Variants in GRIA4 observed in about 807,000 individuals in gnomAD.
The protein encoded by GRIA4 is glutamate ionotropic receptor AMPA type subunit 4, also known as glutamate receptor 4.
A neutral mutation model predicts 104.0 loss-of-function variants in GRIA4; 34 were observed. The observed-to-expected ratio is 0.33, with a 90% CI of 0.25 to 0.44. The LOEUF is 0.44. GRIA4 is among the 20% of genes least tolerant of loss of function. The pLI, the probability that GRIA4 is intolerant of heterozygous loss-of-function variation, is 1.00. For synonymous variants in GRIA4, 386 were observed against 381.9 expected, an observed-to-expected ratio of 1.01 and a Z score of -0.13; for missense variants, 750 against 1,096.5, an observed-to-expected ratio of 0.68 and a Z score of 4.46.
intron 14 of GRIA4, among the ~76,000 whole-genome samples, chr11:105,946,513 G>A (rs1032375092): frequency 6.6e-6 from 1 of 152,120 alleles, no homozygotes; most frequent in Non-Finnish European, 1.5e-5. Context: ...TCGAGCCTGG[G>A]AGGTAGACGT....
chr11:105,926,944 G>A lies in GRIA4; in HGVS notation c.2046+5G>A, dbSNP rs1414913386. 1 of 1,586,592 alleles carries A rather than the reference G, an allele frequency of 6.3e-7. No homozygotes were observed. Among genetic ancestry groups the A allele is most frequent in the Non-Finnish European group, 8.6e-7 (1 of 1,156,334 alleles). On this transcript the variant is annotated splice_donor_5th_base_variant and intron_variant, in intron 13 of 16. Transcript: ENST00000282499. ...TCAACAAAAGAATTCTTCAGAGTAA[G>A]TTAAGGGAAAAACTAAAAATGAAAT...
chr11:105,692,098 G>A (rs1953108183), intron 3 of GRIA4, among the ~76,000 whole-genome samples: 1 of 151,984 alleles, frequency 6.6e-6, no homozygotes, highest in African/African-American at 2.4e-5. Context: ...CAGAATTTAG[G>A]AGATATAAAA....
At chr11:105,861,024 G>A (rs977041812) in intron 4 of GRIA4, among the ~76,000 whole-genome samples, 1 of 151,038 alleles carries the variant, frequency 6.6e-6, no homozygotes, top group Non-Finnish European at 1.5e-5. Flanking sequence ...TTGGCCTGAA[G>A]ATATATTGCA....
chr11:105,659,276 A>C (rs1951936745), intron 3 of GRIA4, among the ~76,000 whole-genome samples: 1 of 151,738 alleles, frequency 6.6e-6, no homozygotes, highest in Non-Finnish European at 1.5e-5. Flanking sequence ...ACTTATGAAG[A>C]CTCTCTTACA....
chr11:105,862,034 A>G lies in GRIA4; in HGVS notation c.498A>G (p.Ile166Met), dbSNP rs759709079. 20 of 1,607,360 alleles carry G rather than the reference A, an allele frequency of 1.2e-5. No homozygotes were observed. The highest frequency in any genetic ancestry group is 1.6e-5 in the Non-Finnish European group (19 of 1,175,138). Residue 166 changes from isoleucine to methionine, a missense_variant, in exon 5 of 17, where the codon ATA (isoleucine) becomes ATG (methionine). By Grantham distance (10) the Ile-to-Met change is conservative (BLOSUM62 1). Around this residue, in one of 3 missense-constraint regions of GRIA4, gnomAD observed 410 missense variants for 502.7 expected, o/e 0.82. Transcript: ENST00000282499. ...FLYDTDRGYSILQAIMEKAGQ... is the reference protein window; with the variant it reads ...FLYDTDRGYSMLQAIMEKAGQ... The stretch of plus-strand genomic sequence containing the variant: ...TTTTTTCCCCAATAGGATACTCGAT[A>G]CTCCAAGCTATTATGGAAAAAGCAG...
At chr11:105,738,146 G>A (rs944542873) in intron 3 of GRIA4, among the ~76,000 whole-genome samples, 1 of 152,070 alleles carries the variant, frequency 6.6e-6, no homozygotes, top group South Asian at 2.1e-4. Context: ...CATTGAATGA[G>A]TGGAAGCGAA....
chr11:105,823,933 A>T (rs1282636075), intron 4 of GRIA4, among the ~76,000 whole-genome samples: 1 of 152,070 alleles, frequency 6.6e-6, no homozygotes, highest in East Asian at 1.9e-4. Context: ...AATTTGACTG[A>T]TGTCCTTATA....
At chr11:105,724,396 C>T (rs10895866) in intron 3 of GRIA4, among the ~76,000 whole-genome samples, 8 of 59,684 alleles carry the variant, frequency 1.3e-4, no homozygotes, top group African/African-American at 5.0e-4. Flanking sequence ...CACACACACA[C>T]ATATATATAT....
At chr11:105,690,946 T>C (rs577912913) in intron 3 of GRIA4, among the ~76,000 whole-genome samples, 1 of 152,320 alleles carries the variant, frequency 6.6e-6, no homozygotes, top group Admixed American at 6.5e-5. Context: ...ATGTGTCTTT[T>C]AAACTCAGTT....
chr11:105,658,474 C>T (rs922479388), intron 3 of GRIA4, among the ~76,000 whole-genome samples: 1 of 149,828 alleles, frequency 6.7e-6, no homozygotes, highest in Admixed American at 6.7e-5. Flanking sequence ...TATAGGAAAA[C>T]TAAAGAAAAA....
At chr11:105,809,942 C>G (rs1049933471) in intron 4 of GRIA4, among the ~76,000 whole-genome samples, 8 of 152,090 alleles carry the variant, frequency 5.3e-5, no homozygotes, top group African/African-American at 1.9e-4. Flanking sequence ...ATTCTTTTCA[C>G]TACCTCCACA....
chr11:105,883,273 T>G (rs1946130288), intron 5 of GRIA4, among the ~76,000 whole-genome samples: 1 of 136,842 alleles, frequency 7.3e-6, no homozygotes, highest in Admixed American at 7.5e-5. Context: ...AGTTGCACCG[T>G]TTCTTTTTTT....
intron 4 of GRIA4, among the ~76,000 whole-genome samples, chr11:105,813,663 T>C (rs1943263011): frequency 6.6e-6 from 1 of 152,098 alleles, no homozygotes; most frequent in South Asian, 2.1e-4. Context: ...TATGCAACAT[T>C]TGGACAATTT....
rs1166302122 is a variant in GRIA4 at position 105,925,298 on chromosome 11, C to A, written c.1847+529C>A. 2.6e-5 allele frequency among the ~76,000 whole-genome samples: 4 copies of A among 152,064 alleles called. No individual in the cohort carries two copies. In the East Asian group the frequency reaches 7.7e-4, roughly 29 times the overall value. On this transcript the variant is annotated intron_variant, in intron 12 of 16. Transcript: ENST00000282499. ...AATTAGCTAAGCAATAGGCAAAAAG[C>A]CAACCATGCAAACACTATGCTAGTT...
chr11:105,843,466 G>A (rs771378765), intron 4 of GRIA4, among the ~76,000 whole-genome samples: 1 of 152,086 alleles, frequency 6.6e-6, no homozygotes, highest in Non-Finnish European at 1.5e-5. Flanking sequence ...AAATTAATTT[G>A]GCTCTTCAGG....
At chr11:105,901,912 G>A (rs2136138581) in intron 7 of GRIA4, among the ~76,000 whole-genome samples, 1 of 152,198 alleles carries the variant, frequency 6.6e-6, no homozygotes, top group Non-Finnish European at 1.5e-5. Context: ...TGTGACTTAG[G>A]CAAGATTCAT....
intron 4 of GRIA4, among the ~76,000 whole-genome samples, chr11:105,819,011 TTC>T (rs925014191): frequency 6.6e-6 from 1 of 152,196 alleles, no homozygotes; most frequent in African/African-American, 2.4e-5. Flanking sequence ...AAAACAATTT[TTC>T]TCTTCATCTT....
intron 3 of GRIA4, among the ~76,000 whole-genome samples, chr11:105,718,955 A>G (rs1352346320): frequency 6.6e-6 from 1 of 152,102 alleles, no homozygotes; most frequent in Non-Finnish European, 1.5e-5. Flanking sequence ...GGCATGAATG[A>G]GCTTACATCA....
At chr11:105,715,358 CT>C (rs1954055977) in intron 3 of GRIA4, among the ~76,000 whole-genome samples, 1 of 152,084 alleles carries the variant, frequency 6.6e-6, no homozygotes, top group Admixed American at 6.6e-5. Flanking sequence ...AGAGATATAT[CT>C]TTAACCTCCA....
Sources: allele counts gnomAD v4.1 joint callset (sites outside exome capture counted in the v4.1 genomes callset), GRCh38; gene constraint gnomAD v4.1.1; regional missense constraint gnomAD v4.1.1; transcripts MANE v1.5; gene names NCBI Gene and HGNC (gene_info 2026-07-23, HGNC 2026-07-21).